Variants in HIBCH observed in about 807,000 individuals in gnomAD.
The protein encoded by HIBCH is 3-hydroxyisobutyryl-CoA hydrolase, mitochondrial.
In HIBCH, 50 loss-of-function variants were observed where a neutral mutation model predicts 58.2. That is an observed-to-expected ratio of 0.86 (90% confidence interval 0.68 to 1.09). The LOEUF is 1.09. Among genes scored for constraint, HIBCH ranks in the 50% least tolerant of loss-of-function variants. The probability of loss-of-function intolerance (pLI) is 0.00; values close to 1 mark genes in which losing one functional copy is unlikely to be tolerated. For synonymous variants in HIBCH, 151 were observed against 146.9 expected (o/e 1.03, Z -0.20); for missense variants, 450 against 449.7 (o/e 1.00, Z -0.01).
intron 1 of HIBCH, among the ~76,000 whole-genome samples, chr2:190,198,004 G>T (rs1025267917): frequency 1.2e-4 from 18 of 152,148 alleles, no homozygotes; most frequent in African/African-American, 4.3e-4. Flanking sequence ...ATAACATGCT[G>T]ATGATTAACA....
At chr2:190,198,814 T>TCCTTAAGTC (rs765677569) in intron 1 of HIBCH, among the ~76,000 whole-genome samples, 9 of 152,116 alleles carry the variant, frequency 5.9e-5, no homozygotes, top group Non-Finnish European at 1.0e-4. Flanking sequence ...GTTTTAGTTA[T>TCCTTAAGTC]CCTTAAGTCC....
intron 11 of HIBCH, 40 bp downstream of exon 11, chr2:190,244,847 T>C: frequency 7.6e-7 from 1 of 1,310,210 alleles, no homozygotes; most frequent in Non-Finnish European, 1.1e-6. Flanking sequence ...TCACCGGACT[T>C]CACTATGTTC....
At chr2:190,262,782 G>C (rs577790254) in intron 6 of HIBCH, among the ~76,000 whole-genome samples, 152 of 152,316 alleles carry the variant, frequency 1.0e-3, no homozygotes, top group African/African-American at 3.2e-3. Flanking sequence ...ATATTACATA[G>C]AGTATGTTTT....
rs749010278 is a variant in HIBCH at position 190,287,684 on chromosome 2, A to G, written c.386-46T>C. The G allele has an allele frequency of 1.1e-5, 15 of 1,398,260 alleles. No homozygotes were observed. The South Asian group carries it at 1.8e-4, about 17-fold the overall frequency. The allele number at this position is 1,398,260 out of a possible 1,614,324, so 86.6% of individuals were successfully genotyped here. A position where few individuals can be genotyped will look rare whatever the true frequency, so the allele number is the denominator to read the frequency against. On this transcript the variant is annotated intron_variant, in intron 5 of 13. Coordinates refer to ENST00000359678, the MANE Select transcript of HIBCH (RefSeq NM_014362.4). Reference sequence around the variant, plus strand: ...ATTTTAGTTACAGTGTTTAAAATACATTCCCTTTTTCTTAAAAAAAAACCC... The same window carrying G: ...ATTTTAGTTACAGTGTTTAAAATACGTTCCCTTTTTCTTAAAAAAAAACCC...
At chr2:190,261,257 G>A in intron 6 of HIBCH, 23 bp from the exon 7 acceptor site, 1 of 1,519,726 alleles carries the variant, frequency 6.6e-7, no homozygotes, top group Non-Finnish European at 9.1e-7. Flanking sequence ...GGCAAAAAAA[G>A]AGGCGGGGGG....
At chr2:190,314,886 T>G (rs1312298606) in intron 1 of HIBCH, among the ~76,000 whole-genome samples, 1 of 152,140 alleles carries the variant, frequency 6.6e-6, no homozygotes, top group African/African-American at 2.4e-5. Context: ...GAATTTATGA[T>G]CTTTCTTTTC....
intron 8 of HIBCH, among the ~76,000 whole-genome samples, chr2:190,250,821 T>C (rs1295749979): frequency 1.3e-5 from 2 of 152,232 alleles, no homozygotes; most frequent in Non-Finnish European, 2.9e-5. Flanking sequence ...CCAAAGCTCA[T>C]CAACATAAAA....
At chr2:190,223,655 G>A (rs1005606684) in intron 11 of HIBCH, among the ~76,000 whole-genome samples, 1 of 152,252 alleles carries the variant, frequency 6.6e-6, no homozygotes, top group Non-Finnish European at 1.5e-5. Context: ...AGGCAGGAAA[G>A]GATAGAATGA....
At chr2:190,292,697 C>T (rs1687989976) in intron 4 of HIBCH, among the ~76,000 whole-genome samples, 1 of 152,038 alleles carries the variant, frequency 6.6e-6, no homozygotes, top group South Asian at 2.1e-4. Context: ...AACAAACAAA[C>T]AAAAAATGAC....
intron 6 of HIBCH, among the ~76,000 whole-genome samples, chr2:190,267,389 G>A (rs1287959779): frequency 6.6e-6 from 1 of 152,044 alleles, no homozygotes; most frequent in African/African-American, 2.4e-5. Flanking sequence ...TAGAGACGGA[G>A]TTTCACCATG....
intron 1 of HIBCH, among the ~76,000 whole-genome samples, chr2:190,198,141 T>A (rs975293602): frequency 3.3e-5 from 5 of 152,158 alleles, no homozygotes; most frequent in African/African-American, 9.7e-5. Flanking sequence ...GAACTAAAGG[T>A]AATTAAAAGC....
At position 190,243,208 on chromosome 2, in the gene HIBCH, G is replaced by A. The variant is rs1686502475; in HGVS notation, c.891+1679C>T. ...CTAATCAGCTGCCAGAGAATATAAA[G>A]CAGGCAGAAAACCGTGTAAAGGAGA... is the stretch of plus-strand genomic sequence containing the variant. On this transcript the variant is annotated intron_variant, in intron 11 of 13. Coordinates refer to ENST00000359678, the MANE Select transcript of HIBCH (RefSeq NM_014362.4). The surrounding 1 kb of genome is among the most constrained non-coding windows in gnomAD (Gnocchi z 4.1). Among the ~76,000 whole-genome samples the A allele has an allele frequency of 6.6e-6, 1 of 152,190 alleles. No individual in the cohort carries two copies. Among genetic ancestry groups the A allele is most frequent in the South Asian group, 2.1e-4 (1 of 4,830 alleles).
In HIBCH at chr2:190,304,665, T is replaced by G. The variant is rs992566492; in HGVS notation, c.78+6089A>C. On this transcript the variant is annotated intron_variant, in intron 2 of 13. Transcript: ENST00000359678. The surrounding 1 kb of genome is among the most constrained non-coding windows in gnomAD (Gnocchi z 4.1). Reference sequence around the variant, plus strand: ...ACCATAGTAAGAATAGTAGGCAGTTTGCTAGGGCTGCCATAACAAAGTACC... The same window carrying G: ...ACCATAGTAAGAATAGTAGGCAGTTGGCTAGGGCTGCCATAACAAAGTACC... Among the ~76,000 whole-genome samples, 1 of 152,196 alleles carries G rather than the reference T, an allele frequency of 6.6e-6. No homozygotes were observed. Among genetic ancestry groups the G allele is most frequent in the Non-Finnish European group, 1.5e-5 (1 of 68,020 alleles).
downstream of HIBCH, chr2:190,203,854 T>G (rs971492401): frequency 1.3e-5 from 2 of 152,124 alleles, no homozygotes; most frequent in Non-Finnish European, 2.9e-5. Flanking sequence ...TTCCGTTGGC[T>G]TTTTATTCTT....
chr2:190,314,680 T>C (rs1349917025), intron 1 of HIBCH, among the ~76,000 whole-genome samples: 2 of 152,102 alleles, frequency 1.3e-5, no homozygotes, highest in Non-Finnish European at 1.5e-5. Flanking sequence ...GGTTTCTCCA[T>C]GTTGGCCAGG....
chr2:190,220,150 A>T (rs1685676826), intron 11 of HIBCH: 1 of 152,250 alleles, frequency 6.6e-6, no homozygotes, highest in Non-Finnish European at 1.5e-5. Context: ...TCCAAGATGT[A>T]TCTATGATCG....
chr2:190,281,745 G>C lies in HIBCH; in HGVS notation c.438+5841C>G, dbSNP rs1307141257. Among the ~76,000 whole-genome samples the C allele has an allele frequency of 2.6e-5, 4 of 151,910 alleles. No homozygotes were observed. Among genetic ancestry groups the C allele is most frequent in the Admixed American group, 2.6e-4 (4 of 15,240 alleles). On this transcript the variant is annotated intron_variant, in intron 6 of 13. Transcript: ENST00000359678. This position sits in a 1 kb window ranked among gnomAD's most constrained non-coding sequence, Gnocchi z 5.4. Reference sequence around the variant, plus strand: ...TTCAGTCATTTTTTTCCCTCTCACAGCTTTATGTAAGCTATTAAAAGTAGC... The same window carrying C: ...TTCAGTCATTTTTTTCCCTCTCACACCTTTATGTAAGCTATTAAAAGTAGC...
In HIBCH at chr2:190,254,915, G is replaced by C. The variant is rs754586184; in HGVS notation, c.518-2608C>G. Among the ~76,000 whole-genome samples the C allele has an allele frequency of 1.3e-5, 2 of 152,136 alleles. No homozygotes were observed. Among genetic ancestry groups the C allele is most frequent in the African/African-American group, 2.4e-5 (1 of 41,426 alleles). ...GTAGCTATTAAACACCTGAAATGTA[G>C]CTGGTGTGACTGAGGAACTGAATTT... On this transcript the variant is annotated intron_variant, in intron 7 of 13. Transcript: ENST00000359678. This position sits in a 1 kb window ranked among gnomAD's most constrained non-coding sequence, Gnocchi z 5.0.
At chr2:190,319,221 T>G (rs1688783975) in intron 1 of HIBCH, among the ~76,000 whole-genome samples, 1 of 152,166 alleles carries the variant, frequency 6.6e-6, no homozygotes, top group African/African-American at 2.4e-5. Context: ...CATGCCACGT[T>G]AAATGTCCCT....
Sources: allele counts gnomAD v4.1 joint callset (sites outside exome capture counted in the v4.1 genomes callset), GRCh38; gene constraint gnomAD v4.1.1; non-coding constraint Gnocchi (gnomAD v3.1); transcripts MANE v1.5; gene names NCBI Gene and HGNC (gene_info 2026-07-23, HGNC 2026-07-21).